SPINK2: variants seen among roughly 807,000 people sequenced by gnomAD.
SPINK2 encodes serine peptidase inhibitor Kazal type 2, also known as serine protease inhibitor Kazal-type 2.
In SPINK2, 8 loss-of-function variants were observed where a neutral mutation model predicts 13.5. The observed-to-expected ratio is 0.59, with a 90% CI of 0.35 to 1.07. The LOEUF is 1.07. SPINK2 is among the 50% of genes least tolerant of loss of function. The pLI is 0.02. For synonymous variants in SPINK2, 76 were observed against 74.7 expected, an observed-to-expected ratio of 1.02 and a Z score of -0.09; for missense variants, 148 against 180.3, an observed-to-expected ratio of 0.82 and a Z score of 1.03.
chr4:56,820,618 C>A, intron 1 of SPINK2, 39 bp from the exon 2 acceptor site: 9 of 1,475,838 alleles, frequency 6.1e-6, no homozygotes, highest in Admixed American at 3.6e-5. Flanking sequence ...AGTATAGGAT[C>A]AAGGTAAGGT....
chr4:56,809,911 C>A lies in SPINK2; in HGVS notation c.*228G>T. 8.6e-7 allele frequency: 1 copy of A among 1,160,080 alleles called. No individual in the cohort carries two copies. The highest frequency in any genetic ancestry group is 1.2e-6 in the Non-Finnish European group (1 of 856,160). The allele number at this position is 1,160,080 out of a possible 1,614,324, so 71.9% of individuals were successfully genotyped here. A position where few individuals can be genotyped will look rare whatever the true frequency, so the allele number is the denominator to read the frequency against. The stretch of plus-strand genomic sequence containing the variant: ...ACTAAATAAAGCAATGCACAAGTCA[C>A]CTGGGCAGTAAGCTTAACTCCAGGA... On this transcript the variant is annotated 3_prime_UTR_variant, in exon 4 of 4. Transcript: ENST00000506738.
intron 2 of SPINK2, among the ~76,000 whole-genome samples, chr4:56,812,058 G>A (rs912785034): frequency 2.0e-5 from 3 of 149,220 alleles, no homozygotes; most frequent in South Asian, 2.1e-4. Context: ...CCTCCATGCC[G>A]CTAATTTTTG....
At chr4:56,815,038 T>TAA (rs1717321370) in intron 2 of SPINK2, among the ~76,000 whole-genome samples, 1 of 148,848 alleles carries the variant, frequency 6.7e-6, no homozygotes. Context: ...TGAGCCAAGA[T>TAA]CACTCCATTG....
intron 2 of SPINK2, among the ~76,000 whole-genome samples, chr4:56,812,456 G>A (rs889898695): frequency 6.7e-6 from 1 of 149,524 alleles, no homozygotes; most frequent in Non-Finnish European, 1.5e-5. Flanking sequence ...TCGGGAGACT[G>A]AGGCAGGAGA....
chr4:56,816,150 T>C (rs1331047201), intron 2 of SPINK2, among the ~76,000 whole-genome samples: 1 of 152,208 alleles, frequency 6.6e-6, no homozygotes, highest in Non-Finnish European at 1.5e-5. Context: ...GGTTGAAAGA[T>C]ACAAGATCAA....
chr4:56,811,575 C>A, intron 3 of SPINK2, 110 bp downstream of exon 3: 1 of 568,260 alleles, frequency 1.8e-6, no homozygotes, highest in Non-Finnish European at 2.9e-6. Context: ...CAAGATTGCA[C>A]CACTGCACTC....
intron 2 of SPINK2, among the ~76,000 whole-genome samples, chr4:56,817,762 G>C (rs575451505): frequency 2.6e-5 from 4 of 151,886 alleles, no homozygotes; most frequent in Non-Finnish European, 4.4e-5. Flanking sequence ...GCTGAGGCAG[G>C]AGAATCGCTT....
At chr4:56,821,206 T>C (rs753860532) in intron 1 of SPINK2, 11 of 586,322 alleles carry the variant, frequency 1.9e-5, no homozygotes, top group Non-Finnish European at 2.4e-5. Context: ...TTAAGAGAGG[T>C]GTCCAGTGTG....
intron 3 of SPINK2, chr4:56,810,520 TG>T: frequency 4.0e-6 from 1 of 252,294 alleles, no homozygotes; most frequent in Non-Finnish European, 7.5e-6. Flanking sequence ...CTGGCCAACA[TG>T]GTGAATCCCC....
chr4:56,820,605 T>C, intron 1 of SPINK2, 26 bp from the exon 2 acceptor site: 2 of 1,583,484 alleles, frequency 1.3e-6, no homozygotes, highest in South Asian at 2.2e-5. Flanking sequence ...ATAGACATTT[T>C]ACAGTATAGG....
At chr4:56,816,991 C>A (rs893512332) in intron 2 of SPINK2, among the ~76,000 whole-genome samples, 6 of 151,964 alleles carry the variant, frequency 3.9e-5, no homozygotes, top group African/African-American at 1.5e-4. Flanking sequence ...ATCACGAGGT[C>A]AGGAGTTCGA....
chr4:56,815,784 A>ACACACACG (rs1472534855), intron 2 of SPINK2, among the ~76,000 whole-genome samples: 1 of 151,636 alleles, frequency 6.6e-6, no homozygotes, highest in Non-Finnish European at 1.5e-5. Context: ...ACACACACAC[A>ACACACACG]CACACACACA....
intron 2 of SPINK2, among the ~76,000 whole-genome samples, chr4:56,812,253 T>C (rs138292434): frequency 1.5e-4 from 23 of 151,252 alleles, no homozygotes; most frequent in Non-Finnish European, 3.1e-4. Flanking sequence ...TCAATACATA[T>C]TATGTAAAAA....
intron 2 of SPINK2, among the ~76,000 whole-genome samples, chr4:56,814,978 A>T (rs946499805): frequency 2.0e-5 from 3 of 150,662 alleles, no homozygotes; most frequent in African/African-American, 7.3e-5. Context: ...AAAAAAAAAA[A>T]AAAAACAAAG....
At chr4:56,821,149 T>A (rs547110063) in intron 1 of SPINK2, among the ~76,000 whole-genome samples, 2 of 152,284 alleles carry the variant, frequency 1.3e-5, no homozygotes, top group Non-Finnish European at 2.9e-5. Context: ...CAACTCGGGG[T>A]AACAAATACA....
At chr4:56,821,361 G>C in intron 1 of SPINK2, 97 bp downstream of exon 1, 1 of 1,403,128 alleles carries the variant, frequency 7.1e-7, no homozygotes, top group Non-Finnish European at 9.2e-7. Context: ...TAGATGGCAG[G>C]TGTCCTTAGA....
chr4:56,814,616 T>C (rs767105002), intron 2 of SPINK2, among the ~76,000 whole-genome samples: 2 of 151,878 alleles, frequency 1.3e-5, no homozygotes, highest in Non-Finnish European at 1.5e-5. Context: ...GTGGTTGGCA[T>C]TGGAGTTAAC....
chr4:56,820,263 T>C (rs1382161129), intron 2 of SPINK2, among the ~76,000 whole-genome samples: 1 of 152,236 alleles, frequency 6.6e-6, no homozygotes, highest in Non-Finnish European at 1.5e-5. Flanking sequence ...CAGAATTTAA[T>C]TTGATAAAGT....
At chr4:56,814,853 C>A (rs993469941) in intron 2 of SPINK2, among the ~76,000 whole-genome samples, 1 of 149,308 alleles carries the variant, frequency 6.7e-6, no homozygotes, top group Admixed American at 6.8e-5. Flanking sequence ...CCCAGCTACT[C>A]GGGAGGCTGA....
Sources: allele counts gnomAD v4.1 joint callset (sites outside exome capture counted in the v4.1 genomes callset), GRCh38; gene constraint gnomAD v4.1.1; transcripts MANE v1.5; gene names NCBI Gene and HGNC (gene_info 2026-07-23, HGNC 2026-07-21).